SPAG16: variants seen among roughly 807,000 people sequenced by gnomAD.
SPAG16 encodes the protein sperm-associated antigen 16 protein.
Under a neutral mutation model 80.4 loss-of-function variants are expected in SPAG16, and 86 were observed. The observed-to-expected ratio is 1.07, with a 90% CI of 0.90 to 1.28. The LOEUF (loss-of-function observed/expected upper bound fraction) is 1.28. Ranked by LOEUF, SPAG16 falls within the 50% of genes most tolerant of loss-of-function variation. The pLI, the probability that SPAG16 is intolerant of heterozygous loss-of-function variation, is 0.00. For synonymous variants in SPAG16, 294 were observed against 265.9 expected (o/e 1.11, Z -1.03); for missense variants, 870 against 765.3 (o/e 1.14, Z -1.61).
chr2:213,930,243 G>T (rs2078692237), intron 12 of SPAG16, 98 bp downstream of exon 12: 4 of 841,150 alleles, frequency 4.8e-6, no homozygotes. Context: ...TGCTACCCCA[G>T]GGAAACATTA....
At chr2:213,642,186 T>C (rs2062618239) in intron 10 of SPAG16, among the ~76,000 whole-genome samples, 1 of 152,168 alleles carries the variant, frequency 6.6e-6, no homozygotes, top group Non-Finnish European at 1.5e-5. Flanking sequence ...TTTCAGCTGT[T>C]TCATGGAGGT....
At chr2:214,294,570 C>T (rs1225876215) in intron 15 of SPAG16, among the ~76,000 whole-genome samples, 1 of 152,128 alleles carries the variant, frequency 6.6e-6, no homozygotes, top group Non-Finnish European at 1.5e-5. Flanking sequence ...TATTAAAGAG[C>T]CTAGATCTGT....
At chr2:213,520,430 C>CAA (rs753861786) in intron 10 of SPAG16, among the ~76,000 whole-genome samples, 10 of 138,930 alleles carry the variant, frequency 7.2e-5, no homozygotes, top group East Asian at 4.2e-4. Context: ...ACTAAAAATA[C>CAA]AAAAAAAAAA....
intron 13 of SPAG16, among the ~76,000 whole-genome samples, chr2:214,099,981 C>G (rs2052890716): frequency 6.6e-6 from 1 of 151,872 alleles, no homozygotes; most frequent in Admixed American, 6.6e-5. Flanking sequence ...GAGTCTCCAC[C>G]CAAATCTCAT....
intron 9 of SPAG16, among the ~76,000 whole-genome samples, chr2:213,469,583 T>TG (rs1377182715): frequency 6.8e-6 from 1 of 147,330 alleles, no homozygotes; most frequent in East Asian, 2.0e-4. Context: ...TTTTTTTTTT[T>TG]TTTTTTTTTT....
chr2:214,286,871 G>A (rs1693405692), intron 15 of SPAG16, among the ~76,000 whole-genome samples: 1 of 152,116 alleles, frequency 6.6e-6, no homozygotes, highest in South Asian at 2.1e-4. Context: ...CCCATAGTAG[G>A]CTAATGATGG....
chr2:213,984,603 A>T (rs905407748), intron 12 of SPAG16, among the ~76,000 whole-genome samples: 2 of 152,062 alleles, frequency 1.3e-5, no homozygotes, highest in Non-Finnish European at 2.9e-5. Context: ...TAGTTCAAGA[A>T]TCCTCTGCTT....
At chr2:214,372,344 G>A (rs1248046986) in intron 15 of SPAG16, among the ~76,000 whole-genome samples, 2 of 152,140 alleles carry the variant, frequency 1.3e-5, no homozygotes, top group Non-Finnish European at 2.9e-5. Context: ...CATCATGCCA[G>A]TGTAAGAAAC....
In SPAG16 at chr2:213,585,989, T is replaced by TAC. The variant is rs2060459312; in HGVS notation, c.1070+95899_1070+95900insAC. ...ATCTAATCATCTCCATAACATATGA[T>TAC]GTATACAGTGGTGATGAATATACTG... On this transcript the variant is annotated intron_variant, in intron 10 of 15. Transcript: ENST00000331683. Among the ~76,000 whole-genome samples, 3 of 152,320 alleles carry TAC rather than the reference T, an allele frequency of 2.0e-5. No individual in the cohort carries two copies. The South Asian group carries it at 6.2e-4, about 32-fold the overall frequency.
intron 11 of SPAG16, among the ~76,000 whole-genome samples, chr2:213,867,788 G>T (rs953914014): frequency 2.6e-5 from 4 of 151,436 alleles, no homozygotes; most frequent in African/African-American, 9.7e-5. Context: ...GCCGGGCGTG[G>T]TGGCGGGCAC....
At chr2:213,458,132 G>A (rs917690264) in intron 9 of SPAG16, among the ~76,000 whole-genome samples, 2 of 151,626 alleles carry the variant, frequency 1.3e-5, no homozygotes, top group African/African-American at 2.4e-5. Context: ...TTTTTATTCT[G>A]TAAGACTCCA....
At chr2:213,988,316 C>A (rs914803102) in intron 12 of SPAG16, among the ~76,000 whole-genome samples, 1 of 151,968 alleles carries the variant, frequency 6.6e-6, no homozygotes, top group Non-Finnish European at 1.5e-5. Context: ...CTTAAGTATA[C>A]GTGGAGCATC....
intron 13 of SPAG16, among the ~76,000 whole-genome samples, chr2:214,031,792 T>A (rs1220083547): frequency 1.3e-5 from 2 of 151,982 alleles, no homozygotes; most frequent in Admixed American, 6.6e-5. Context: ...AGCAGGCATA[T>A]CTTCACAGTG....
intron 13 of SPAG16, among the ~76,000 whole-genome samples, chr2:214,030,466 G>T (rs1020235130): frequency 1.3e-5 from 2 of 152,160 alleles, no homozygotes; most frequent in Middle Eastern, 3.4e-3. Flanking sequence ...TCTTACTTTG[G>T]CATTGTATAT....
intron 15 of SPAG16, among the ~76,000 whole-genome samples, chr2:214,292,337 T>C (rs1391241366): frequency 6.6e-6 from 1 of 152,154 alleles, no homozygotes; most frequent in Non-Finnish European, 1.5e-5. Context: ...AAATAGGATC[T>C]TAACTAAACT....
intron 10 of SPAG16, among the ~76,000 whole-genome samples, chr2:213,547,378 C>G (rs184429709): frequency 6.6e-6 from 1 of 152,138 alleles, no homozygotes; most frequent in East Asian, 1.9e-4. Flanking sequence ...ATTTGGTCTA[C>G]TCGAATTAAT....
intron 13 of SPAG16, among the ~76,000 whole-genome samples, chr2:214,064,691 T>A (rs2125197045): frequency 6.6e-6 from 1 of 152,196 alleles, no homozygotes; most frequent in Non-Finnish European, 1.5e-5. Flanking sequence ...ATTTGATATA[T>A]TGGTTTGAAT....
chr2:213,973,417 G>C (rs2045189829), intron 12 of SPAG16, among the ~76,000 whole-genome samples: 1 of 151,904 alleles, frequency 6.6e-6, no homozygotes, highest in Non-Finnish European at 1.5e-5. Context: ...ACAGAAACAA[G>C]AACATTATGT....
At chr2:214,123,814 A>C (rs2054340244) in intron 14 of SPAG16, among the ~76,000 whole-genome samples, 1 of 152,036 alleles carries the variant, frequency 6.6e-6, no homozygotes, top group Non-Finnish European at 1.5e-5. Context: ...AAGTTCCTGA[A>C]GTGGTGACAA....
Sources: gnomAD v4.1 joint callset for allele counts (sites outside exome capture counted in the v4.1 genomes callset) on GRCh38, gnomAD v4.1.1 for gene constraint, MANE v1.5 for transcripts, NCBI Gene and HGNC (gene_info 2026-07-23, HGNC 2026-07-21) for gene names.